Variants in SEC16A observed in about 807,000 individuals in gnomAD.
SEC16A encodes SEC16 homolog A, endoplasmic reticulum export factor.
Under a neutral mutation model 221.9 loss-of-function variants are expected in SEC16A, and 110 were observed. That is an observed-to-expected ratio of 0.50 (90% CI 0.42 to 0.58). The LOEUF is 0.58. Ranked by LOEUF, SEC16A falls within the 20% of genes least tolerant of loss-of-function variation. The probability of loss-of-function intolerance (pLI) is 0.00; values close to 1 mark genes in which losing one functional copy is unlikely to be tolerated. For synonymous variants in SEC16A, 1,393 were observed against 1,257.7 expected, an observed-to-expected ratio of 1.11 and a Z score of -2.28; for missense variants, 3,165 against 3,097.8, an observed-to-expected ratio of 1.02 and a Z score of -0.52.
intron 12 of SEC16A, among the ~76,000 whole-genome samples, chr9:136,461,703 A>G (rs1317553564): frequency 1.3e-5 from 2 of 152,236 alleles, no homozygotes; most frequent in Non-Finnish European, 1.5e-5. Flanking sequence ...CATCCAGGGC[A>G]TAATTTAGAA....
At chr9:136,454,559 T>C (rs1410517038) in intron 20 of SEC16A, among the ~76,000 whole-genome samples, 1 of 151,856 alleles carries the variant, frequency 6.6e-6, no homozygotes, top group Non-Finnish European at 1.5e-5. Context: ...ACTTGAGCAG[T>C]CACAGCGGCA....
chr9:136,476,951 G>A lies in SEC16A; in HGVS notation c.665C>T (p.Pro222Leu), dbSNP rs1435858684. Reference protein sequence around the residue: ...PGQWGPVQGGPQPSGQHRSPC... With the variant: ...PGQWGPVQGGLQPSGQHRSPC... ...TGAACGATGTTGCCCCGAGGGCTGT[G>A]GGCCTCCCTGCACTGGCCCCCACTG... Residue 222 changes from proline to leucine, a missense_variant, in exon 3 of 32, where the codon CCA becomes CTA. Pro to Leu is a moderately conservative substitution (Grantham distance 98, BLOSUM62 -3). This residue lies in a region of SEC16A where 2,030 missense variants were observed against 1,923.1 expected (regional missense o/e 1.06). Transcript: ENST00000684901. 4 of 1,612,760 alleles carry A rather than the reference G, an allele frequency of 2.5e-6. No individual in the cohort carries two copies. The highest frequency in any genetic ancestry group is 1.7e-5 in the Admixed American group (1 of 60,018).
intron 5 of SEC16A, 82 bp downstream of exon 5, chr9:136,468,333 T>C (rs2132595882): frequency 2.5e-6 from 2 of 798,262 alleles, no homozygotes; most frequent in South Asian, 3.3e-5. Flanking sequence ...CAGCAGGTGC[T>C]GGCTGGCCAG....
rs1167758719 is a variant in SEC16A, at chr9:136,461,190, G to A, written c.4978C>T (p.Arg1660Ter). 5 of 1,605,580 alleles carry A rather than the reference G, an allele frequency of 3.1e-6. No homozygotes were observed. Among genetic ancestry groups the A allele is most frequent in the Admixed American group, 3.4e-5 (2 of 58,908 alleles). ...GTGGGACTGTACCTGGTCATGACTC[G>A]GGCGTGTGTCCGGCTGTCCATCTTA... Reference protein sequence around the residue: ...ASKMDSRTHARVMTRFANSLP... With the variant: ...ASKMDSRTHA The change falls in exon 13 of 32, where the codon CGA (arginine) becomes TGA (stop). Residue 1660 changes from arginine to a stop codon, truncating the protein, a stop_gained. Coordinates refer to ENST00000684901, the MANE Select transcript of SEC16A (RefSeq NM_014866.2). LOFTEE classifies it high-confidence loss of function.
chr9:136,448,595 G>A (rs1258574272), intron 23 of SEC16A: 1 of 707,382 alleles, frequency 1.4e-6, no homozygotes, highest in Non-Finnish European at 2.6e-6. Flanking sequence ...CACCAGGATG[G>A]AGGTGGGGAG....
chr9:136,476,405 C>G lies in SEC16A; in HGVS notation c.1211G>C (p.Cys404Ser), dbSNP rs774416101. The G allele has an allele frequency of 5.0e-6, 8 of 1,612,890 alleles. No individual in the cohort carries two copies. The highest frequency in any genetic ancestry group is 6.8e-6 in the Non-Finnish European group (8 of 1,179,856). Residue 404 changes from cysteine (C) to serine (S), a missense_variant, in exon 3 of 32, where the codon TGC becomes TCC. Transcript: ENST00000684901. ...LSGQADFDDF[C>S]SSPGLGRPPA... is the part of the protein sequence containing the mutation. Reference sequence around the variant, plus strand: ...CGGACGGCCTAGCCCAGGGCTGGAGCAGAAATCGTCAAAGTCCGCTTGACC... The same window carrying G: ...CGGACGGCCTAGCCCAGGGCTGGAGGAGAAATCGTCAAAGTCCGCTTGACC...
intron 31 of SEC16A, among the ~76,000 whole-genome samples, 176 bp from the exon 32 acceptor site, chr9:136,441,999 A>G (rs562360819): frequency 2.0e-5 from 3 of 152,350 alleles, no homozygotes; most frequent in Admixed American, 2.0e-4. Flanking sequence ...GTCAGTGCCA[A>G]GTCCTGGGCT....
intron 23 of SEC16A, chr9:136,448,986 T>C: frequency 4.8e-6 from 3 of 620,140 alleles, no homozygotes; most frequent in Non-Finnish European, 8.7e-6. Context: ...GCCACAGAAC[T>C]GTGCACTCAG....
chr9:136,446,973 C>T (rs760745529), intron 27 of SEC16A, 24 bp from the exon 28 acceptor site: 1 of 1,613,228 alleles, frequency 6.2e-7, no homozygotes, highest in South Asian at 1.1e-5. Context: ...AGCGAGGAGG[C>T]CATCATTCCG....
At chr9:136,453,548 C>T (rs374169761) in intron 21 of SEC16A, 38 bp from the exon 22 acceptor site, 26 of 1,549,458 alleles carry the variant, frequency 1.7e-5, no homozygotes, top group African/African-American at 1.1e-4. Context: ...ATCTCAGTCA[C>T]GAGAAGGCGG....
At chr9:136,483,680 T>C, upstream of SEC16A, 3 of 985,532 alleles carry the variant, frequency 3.0e-6, no homozygotes, top group Non-Finnish European at 3.6e-6. Context: ...GCAGGACCGA[T>C]GCCAGCAGGC....
At position 136,456,086 on chromosome 9, in the gene SEC16A, C is replaced by G. The variant is rs369719604; in HGVS notation, c.5631G>C (p.Leu1877=). 6 of 1,612,852 alleles carry G rather than the reference C, an allele frequency of 3.7e-6. No homozygotes were observed. The African/African-American group carries it at 6.7e-5, about 18-fold the overall frequency. ...GCCGCTCCACCTGCTGCAGGTGAAC[C>G]AGCCACGTGGGTGCGGCCAAGGACT... The part of the protein sequence containing the change: ...EEESLAAPTW[L]VHLQQVERQI... Residue 1877 remains leucine (L), a synonymous_variant, in exon 19 of 32, where the codon CTG becomes CTC. Transcript: ENST00000684901.
At chr9:136,482,105 C>T (rs1285469521) in intron 1 of SEC16A, among the ~76,000 whole-genome samples, 1 of 152,200 alleles carries the variant, frequency 6.6e-6, no homozygotes, top group African/African-American at 2.4e-5. Flanking sequence ...ACAAGAAAGA[C>T]ACGCTATTTT....
At position 136,477,346 on chromosome 9, in the gene SEC16A, G is replaced by A. The variant is rs1192690291; in HGVS notation, c.270C>T (p.Pro90=). 4 of 1,613,838 alleles carry A rather than the reference G, an allele frequency of 2.5e-6. No individual in the cohort carries two copies. The highest frequency in any genetic ancestry group is 1.1e-5 in the South Asian group (1 of 91,084). Reference sequence around the variant, plus strand: ...CATGTGTGTGAGGAACAAGCAAACCGGGGTGCTGAGAAAACCCTGCGGGGG... The same window carrying A: ...CATGTGTGTGAGGAACAAGCAAACCAGGGTGCTGAGAAAACCCTGCGGGGG... ...GPAPAGFSQH[P]GLLVPHTHAR... Residue 90 remains proline, a synonymous_variant, in exon 3 of 32, where the codon CCC becomes CCT. Transcript: ENST00000684901.
Position 136,451,367 on chromosome 9 carries a change from C to T in SEC16A, c.6201G>A (p.Gly2067=). Residue 2067 remains glycine (G), a synonymous_variant, in exon 23 of 32, where the codon GGG becomes GGA. Coordinates refer to ENST00000684901, the MANE Select transcript of SEC16A (RefSeq NM_014866.2). Reference sequence around the variant, plus strand: ...TGGGACCCGAGTCGGCACGATCCCACCCTGGGGGGGCCTCCGAGTCTGGCA... The same window carrying T: ...TGGGACCCGAGTCGGCACGATCCCATCCTGGGGGGGCCTCCGAGTCTGGCA... ...RTVPDSEAPP[G]WDRADSGPTQ... 2.5e-6 allele frequency: 4 copies of T among 1,612,836 alleles called. No homozygotes were observed. Among genetic ancestry groups the T allele is most frequent in the Non-Finnish European group, 3.4e-6 (4 of 1,179,494 alleles).
chr9:136,483,460 C>CA, upstream of SEC16A: 14 of 891,304 alleles, frequency 1.6e-5, no homozygotes, highest in Non-Finnish European at 1.9e-5. Flanking sequence ...CTCGGCCGTC[C>CA]TTCCCCGCCC....
In SEC16A at chr9:136,476,695, T is replaced by A. The variant is rs750662757; in HGVS notation, c.921A>T (p.Arg307Ser). The A allele has an allele frequency of 1.9e-6, 3 of 1,576,340 alleles. No individual in the cohort carries two copies. The highest frequency in any genetic ancestry group is 2.6e-6 in the Non-Finnish European group (3 of 1,158,748). The change falls in exon 3 of 32, where the codon AGA (arginine) becomes AGT (serine). Residue 307 changes from arginine to serine, a missense_variant. Transcript: ENST00000684901. Reference sequence around the variant, plus strand: ...CTGGGCTTGCCCAGTGATTCACAATTCTGGGATTTTGCCTGAATGTACTTT... The same window carrying A: ...CTGGGCTTGCCCAGTGATTCACAATACTGGGATTTTGCCTGAATGTACTTT... The part of the protein sequence containing the change: ...DPESTFRQNP[R>S]IVNHWASPEL...
At position 136,444,939 on chromosome 9, in the gene SEC16A, A is replaced by G. The variant is rs1383196138; in HGVS notation, c.6927+113T>C. 8.9e-6 allele frequency: 7 copies of G among 786,740 alleles called. No homozygotes were observed. In the East Asian group the frequency reaches 1.4e-4, roughly 15 times the overall value. The allele number at this position is 786,740 out of a possible 1,614,324, so 48.7% of individuals were successfully genotyped here. On this transcript the variant is annotated intron_variant, in intron 30 of 31. Coordinates refer to ENST00000684901, the MANE Select transcript of SEC16A (RefSeq NM_014866.2). ...CCTTGGTCACGTGACGCTGAGGGAG[A>G]CAACGGGCGAGGTTAGTGGCAAAGC... is the stretch of plus-strand genomic sequence containing the variant.
Position 136,441,791 on chromosome 9 carries a change from C to G in SEC16A, c.7038G>C (p.Gly2346=). Residue 2346 remains glycine (G), a synonymous_variant, in exon 32 of 32, where the codon GGG becomes GGC. Transcript: ENST00000684901. ...ACATSGSSRL[G]RIGQRKHLVL... is the part of the protein sequence containing the mutation. ...CCAGGTGCTTCCTCTGGCCAATCCT[C>G]CCTAGCCTTGAGCTCCCGGAGGTGG... 6.2e-7 allele frequency: 1 copy of G among 1,613,400 alleles called. No individual in the cohort carries two copies. The highest frequency in any genetic ancestry group is 8.5e-7 in the Non-Finnish European group (1 of 1,179,830).
Sources: gnomAD v4.1 joint callset for allele counts (sites outside exome capture counted in the v4.1 genomes callset) on GRCh38, gnomAD v4.1.1 for gene constraint, gnomAD v4.1.1 regional missense constraint, MANE v1.5 for transcripts, NCBI Gene and HGNC (gene_info 2026-07-23, HGNC 2026-07-21) for gene names.